Variants in SEPTIN9 observed in about 807,000 individuals in gnomAD.
The protein encoded by SEPTIN9 is septin-9.
A neutral mutation model predicts 56.6 loss-of-function variants in SEPTIN9; 13 were observed. That is an observed-to-expected ratio of 0.23 (90% CI 0.15 to 0.37). The LOEUF is 0.37. SEPTIN9 is among the 10% of genes least tolerant of loss of function. The probability of loss-of-function intolerance (pLI) is 1.00; values close to 1 mark genes in which losing one functional copy is unlikely to be tolerated. For missense variants in SEPTIN9, 650 were observed against 823.1 expected (o/e 0.79, Z 2.57); for synonymous variants, 332 against 334.1 (o/e 0.99, Z 0.07).
chr17:77,452,359 G>A (rs1281214448), intron 3 of SEPTIN9, among the ~76,000 whole-genome samples: 6 of 152,216 alleles, frequency 3.9e-5, no homozygotes, highest in Non-Finnish European at 8.8e-5. Flanking sequence ...AGCTTTGTAG[G>A]CAATGCCATC....
At position 77,492,633 on chromosome 17, in the gene SEPTIN9, C is replaced by T. The variant is rs762738985; in HGVS notation, c.1393C>T (p.Leu465=). The T allele has an allele frequency of 2.5e-6, 4 of 1,613,960 alleles. No homozygotes were observed. In the Admixed American group the frequency reaches 5.0e-5, roughly 20 times the overall value. ...CTCCTTATCCCAGATCACCGCAGAC[C>T]TGCTGTCCAACGGCATCGACGTGTA... ...VHFKQRITAD[L]LSNGIDVYPQ... is the part of the protein sequence containing the mutation. Residue 465 remains leucine (L), a synonymous_variant, in exon 9 of 12, where the codon CTG becomes TTG. Transcript: ENST00000427177. The surrounding 1 kb of genome is among the most constrained non-coding windows in gnomAD (Gnocchi z 5.4).
intron 2 of SEPTIN9, among the ~76,000 whole-genome samples, chr17:77,353,585 C>T (rs1175492112): frequency 6.6e-5 from 10 of 152,032 alleles, no homozygotes; most frequent in Admixed American, 6.5e-4. Flanking sequence ...TCTTATTTTA[C>T]GACAACTTGA....
At chr17:77,338,183 C>T (rs1216445589) in intron 2 of SEPTIN9, among the ~76,000 whole-genome samples, 1 of 150,920 alleles carries the variant, frequency 6.6e-6, no homozygotes, top group Non-Finnish European at 1.5e-5. Flanking sequence ...GGTGACAGGG[C>T]GAGACTCCAT....
intron 2 of SEPTIN9, chr17:77,320,284 C>T (rs371495905): frequency 8.6e-5 from 139 of 1,611,742 alleles, no homozygotes; most frequent in Non-Finnish European, 1.1e-4. Context: ...CGCCTCTGAG[C>T]GGGACGCCGG....
Position 77,436,645 on chromosome 17 carries a change from G to A in SEPTIN9, c.721+33942G>A, listed in dbSNP as rs1258054004. Among the ~76,000 whole-genome samples the A allele has an allele frequency of 6.6e-6, 1 of 152,192 alleles. No individual in the cohort carries two copies. Among genetic ancestry groups the A allele is most frequent in the Non-Finnish European group, 1.5e-5 (1 of 68,020 alleles). On this transcript the variant is annotated intron_variant, in intron 3 of 11. Coordinates refer to ENST00000427177, the MANE Select transcript of SEPTIN9 (RefSeq NM_001113491.2). The surrounding 1 kb of genome is among the most constrained non-coding windows in gnomAD (Gnocchi z 4.4). ...GCTGGAGGGAGTGACCTGGCCCCTG[G>A]CCCCGGCCACCTACACCTCCTGTTT...
In SEPTIN9 at chr17:77,451,160, C is replaced by T. The variant is rs1485757593; in HGVS notation, c.722-30984C>T. 4 of 159,594 alleles carry T rather than the reference C, an allele frequency of 2.5e-5. No individual in the cohort carries two copies. The East Asian group carries it at 5.8e-4, about 23-fold the overall frequency. The allele number at this position is 159,594 out of a possible 1,614,324, so 9.9% of individuals were successfully genotyped here. A position where few individuals can be genotyped will look rare whatever the true frequency, so the allele number is the denominator to read the frequency against. ...GGTCCCTGGGAGCCTCTTCCCCTCT[C>T]TTCTTCCTAGCAGCTCCCCCTCACT... On this transcript the variant is annotated intron_variant, in intron 3 of 11. Transcript: ENST00000427177. This position sits in a 1 kb window ranked among gnomAD's most constrained non-coding sequence, Gnocchi z 4.2.
rs569554762 is a variant in SEPTIN9, at chr17:77,474,569, G to C, written c.722-7575G>C. ...ACTGAGGGAGGAGCTGGAGGCCAAG[G>C]CCTCAGTGCTGAGCTGCCTGCACCG... On this transcript the variant is annotated intron_variant, in intron 3 of 11. Coordinates refer to ENST00000427177, the MANE Select transcript of SEPTIN9 (RefSeq NM_001113491.2). 1.5e-4 allele frequency among the ~76,000 whole-genome samples: 23 copies of C among 152,256 alleles called. 1 individual carries two copies. In the South Asian group the frequency reaches 4.4e-3, roughly 29 times the overall value.
chr17:77,450,548 G>T lies in SEPTIN9; in HGVS notation c.722-31596G>T, dbSNP rs1359852450. 1.0e-6 allele frequency: 1 copy of T among 985,390 alleles called. No homozygotes were observed. Among genetic ancestry groups the T allele is most frequent in the Admixed American group, 6.1e-5 (1 of 16,268 alleles). The allele number at this position is 985,390 out of a possible 1,614,324, so 61.0% of individuals were successfully genotyped here. ...AGTGACTCACTTGGGTTCAGAGGTC[G>T]TGGCACTGAGATGGGTCTGGCAGAT... On this transcript the variant is annotated intron_variant, in intron 3 of 11. Coordinates refer to ENST00000427177, the MANE Select transcript of SEPTIN9 (RefSeq NM_001113491.2). This position sits in a 1 kb window ranked among gnomAD's most constrained non-coding sequence, Gnocchi z 6.0.
In SEPTIN9 at chr17:77,373,445, G is replaced by A. The variant is rs1281859349; in HGVS notation, c.77-28614G>A. On this transcript the variant is annotated intron_variant, in intron 2 of 11. Coordinates refer to ENST00000427177, the MANE Select transcript of SEPTIN9 (RefSeq NM_001113491.2). Reference sequence around the variant, plus strand: ...CAGCGCGCAGGGCCCGGGCCCCGCCGGGGGCGCTTCCTCGCCGCTGCCCTC... The same window carrying A: ...CAGCGCGCAGGGCCCGGGCCCCGCCAGGGGCGCTTCCTCGCCGCTGCCCTC... The A allele has an allele frequency of 1.4e-5, 21 of 1,482,062 alleles. No individual in the cohort carries two copies. In the Admixed American group the frequency reaches 1.8e-4, roughly 13 times the overall value. The allele number at this position is 1,482,062 out of a possible 1,614,324, so 91.8% of individuals were successfully genotyped here.
Position 77,437,727 on chromosome 17 carries a change from TG to T in SEPTIN9, c.721+35027del, listed in dbSNP as rs1438591408. ...GCCCAAGTGAACCCCAGTAGTGGCC[TG>T]GGAGAATCATCTGTCACGAGCCAAG... On this transcript the variant is annotated intron_variant, in intron 3 of 11. Coordinates refer to ENST00000427177, the MANE Select transcript of SEPTIN9 (RefSeq NM_001113491.2). This position sits in a 1 kb window ranked among gnomAD's most constrained non-coding sequence, Gnocchi z 5.3. 3.9e-5 allele frequency among the ~76,000 whole-genome samples: 6 copies of T among 152,256 alleles called. No individual in the cohort carries two copies. The highest frequency in any genetic ancestry group is 3.3e-4 in the Admixed American group (5 of 15,296).
rs567498322 is a variant in SEPTIN9, at chr17:77,398,574, C to G, written c.77-3485C>G. Among the ~76,000 whole-genome samples the G allele has an allele frequency of 3.3e-5, 5 of 152,340 alleles. No individual in the cohort carries two copies. In the South Asian group the frequency reaches 8.3e-4, roughly 25 times the overall value. On this transcript the variant is annotated intron_variant, in intron 2 of 11. Coordinates refer to ENST00000427177, the MANE Select transcript of SEPTIN9 (RefSeq NM_001113491.2). ...GGTGGGCACCTCTTCATTTAGGTGT[C>G]ACCTTCTTGACATTCCAGCCGGGAC...
At chr17:77,440,702 G>A (rs903848242) in intron 3 of SEPTIN9, among the ~76,000 whole-genome samples, 26 of 152,248 alleles carry the variant, frequency 1.7e-4, no homozygotes, top group Middle Eastern at 3.2e-3. Flanking sequence ...CTGGGCGCCC[G>A]CACAGTGCCG....
rs58585658 is a variant in SEPTIN9 at position 77,407,282 on chromosome 17, CAAAAAAAAAA to C, written c.721+4596_721+4605del. Among the ~76,000 whole-genome samples the C allele has an allele frequency of 1.3e-4, 6 of 44,596 alleles. No individual in the cohort carries two copies. The East Asian group carries it at 3.0e-3, about 22-fold the overall frequency. The allele number at this position is 44,596 out of a possible 152,430, so 29.3% of individuals were successfully genotyped here. On this transcript the variant is annotated intron_variant, in intron 3 of 11. Coordinates refer to ENST00000427177, the MANE Select transcript of SEPTIN9 (RefSeq NM_001113491.2). The stretch of plus-strand genomic sequence containing the variant: ...TAGGAGACAGAGTGAGACCCTGTCT[CAAAAAAAAAA>C]AAAAAAAAAAAAAAAATCCCATAAG...
chr17:77,356,537 A>T (rs1269917360), intron 2 of SEPTIN9, among the ~76,000 whole-genome samples: 1 of 150,588 alleles, frequency 6.6e-6, no homozygotes, highest in Admixed American at 6.6e-5. Context: ...GAACCAAGCG[A>T]GGTGATAAAT....
rs572521527 is a variant in SEPTIN9, at chr17:77,492,518, C to T, written c.1381-103C>T. On this transcript the variant is annotated intron_variant, in intron 8 of 11. Transcript: ENST00000427177. The surrounding 1 kb of genome is among the most constrained non-coding windows in gnomAD (Gnocchi z 5.4). ...GCCCCCCAGAGCCTGCCCTTGAACC[C>T]GAGCCTGGGGCAGCACACAGTGTGG... is the stretch of plus-strand genomic sequence containing the variant. 11 of 1,062,994 alleles carry T rather than the reference C, an allele frequency of 1.0e-5. No individual in the cohort carries two copies. The highest frequency in any genetic ancestry group is 2.0e-4 in the Middle Eastern group (1 of 4,988). 65.8% of individuals were successfully genotyped at this position (1,062,994 alleles called of 1,614,324 possible).
At chr17:77,490,186 A>G (rs1049339564) in intron 7 of SEPTIN9, among the ~76,000 whole-genome samples, 1 of 152,192 alleles carries the variant, frequency 6.6e-6, no homozygotes, top group African/African-American at 2.4e-5. Context: ...ACTGTGGGAA[A>G]AGCTCGGCTC....
chr17:77,351,472 C>T (rs1283879331), intron 2 of SEPTIN9, among the ~76,000 whole-genome samples: 7 of 152,176 alleles, frequency 4.6e-5, no homozygotes, highest in African/African-American at 1.7e-4. Context: ...TGGCTCCTGT[C>T]CCGGGCTCTG....
intron 1 of SEPTIN9, among the ~76,000 whole-genome samples, chr17:77,303,555 T>C (rs1441324785): frequency 1.3e-5 from 2 of 151,724 alleles, no homozygotes; most frequent in African/African-American, 2.4e-5. Context: ...CTACCGAATA[T>C]ACAAAAATTA....
chr17:77,433,579 G>A lies in SEPTIN9; in HGVS notation c.721+30876G>A, dbSNP rs990923577. Among the ~76,000 whole-genome samples, 5 of 152,032 alleles carry A rather than the reference G, an allele frequency of 3.3e-5. No homozygotes were observed. Among genetic ancestry groups the A allele is most frequent in the Non-Finnish European group, 7.4e-5 (5 of 67,978 alleles). On this transcript the variant is annotated intron_variant, in intron 3 of 11. Coordinates refer to ENST00000427177, the MANE Select transcript of SEPTIN9 (RefSeq NM_001113491.2). This position sits in a 1 kb window ranked among gnomAD's most constrained non-coding sequence, Gnocchi z 6.4. ...TGGCCATGCCGGAAATAGCAGCATC[G>A]TCCCCCTCACTGTCCTGGCTTGCTT... is the stretch of plus-strand genomic sequence containing the variant.
Sources: gnomAD v4.1 joint callset for allele counts (sites outside exome capture counted in the v4.1 genomes callset) on GRCh38, gnomAD v4.1.1 for gene constraint, Gnocchi (gnomAD v3.1) non-coding constraint, MANE v1.5 for transcripts, NCBI Gene and HGNC (gene_info 2026-07-23, HGNC 2026-07-21) for gene names.